DSCAML1: variants seen among roughly 807,000 people sequenced by gnomAD.
DSCAML1 encodes the protein DS cell adhesion molecule like 1.
Under a neutral mutation model 200.5 loss-of-function variants are expected in DSCAML1, and 38 were observed. The ratio of observed to expected loss-of-function variants is 0.19; its 90% CI spans 0.15 to 0.25. The LOEUF is 0.25. Among genes scored for constraint, DSCAML1 ranks in the 10% least tolerant of loss-of-function variants. The pLI is 1.00. For synonymous variants in DSCAML1, 1,215 were observed against 1,165.0 expected (o/e 1.04, Z -0.87); for missense variants, 2,223 against 2,858.8 (o/e 0.78, Z 5.07).
intron 28 of DSCAML1, 41 bp downstream of exon 28, chr11:117,433,398 AGG>A (rs1164256734): frequency 3.1e-6 from 5 of 1,611,204 alleles, no homozygotes; most frequent in Non-Finnish European, 4.2e-6. Context: ...CTCAGGACAG[AGG>A]GGAGAAGGGA....
chr11:117,505,134 T>C lies in DSCAML1; in HGVS notation c.2063-91A>G. 1 of 1,513,074 alleles carries C rather than the reference T, an allele frequency of 6.6e-7. No individual in the cohort carries two copies. The highest frequency in any genetic ancestry group is 1.3e-5 in the South Asian group (1 of 75,896). The allele number at this position is 1,513,074 out of a possible 1,614,324, so 93.7% of individuals were successfully genotyped here. Reference sequence around the variant, plus strand: ...AGCACCTTCTGTTTGAGGTCAGCCCTGCCCGGGCCATTATAAAGTTGGAAG... The same window carrying C: ...AGCACCTTCTGTTTGAGGTCAGCCCCGCCCGGGCCATTATAAAGTTGGAAG... On this transcript the variant is annotated intron_variant, in intron 9 of 32. Coordinates refer to ENST00000651296, the MANE Select transcript of DSCAML1 (RefSeq NM_020693.4). The surrounding 1 kb of genome is among the most constrained non-coding windows in gnomAD (Gnocchi z 6.7).
chr11:117,433,230 G>A lies in DSCAML1; in HGVS notation c.4934C>T (p.Pro1645Leu). 1.9e-6 allele frequency: 3 copies of A among 1,612,914 alleles called. No homozygotes were observed. Among genetic ancestry groups the A allele is most frequent in the Non-Finnish European group, 2.5e-6 (3 of 1,179,456 alleles). Reference sequence around the variant, plus strand: ...TGGGCCCTGGGGTGGCCCTTTCACAGGGGTGTCAAAGCTTCTATTGTTCTT... The same window carrying A: ...TGGGCCCTGGGGTGGCCCTTTCACAAGGGTGTCAAAGCTTCTATTGTTCTT... ...ISKNNRSFDT[P>L]VKGPPQGPRL... is the part of the protein sequence containing the mutation. The change falls in exon 29 of 33, where the codon CCT becomes CTT. Residue 1645 changes from proline (P) to leucine (L), a missense_variant. Around this residue, in one of 7 missense-constraint regions of DSCAML1, gnomAD observed 614 missense variants for 739.1 expected, o/e 0.83. Transcript: ENST00000651296.
intron 3 of DSCAML1, among the ~76,000 whole-genome samples, chr11:117,745,519 C>T (rs73585218): frequency 0.018 from 2,771 of 152,200 alleles, 80 homozygotes; most frequent in African/African-American, 0.062. Flanking sequence ...GGGGTCTTCC[C>T]GGCCCTCCTA....
intron 3 of DSCAML1, among the ~76,000 whole-genome samples, chr11:117,712,784 A>G (rs921302912): frequency 6.6e-6 from 1 of 152,002 alleles, no homozygotes; most frequent in Non-Finnish European, 1.5e-5. Flanking sequence ...CGTTCTCGCC[A>G]GCTCCACACT....
At chr11:117,560,336 G>A (rs1390332528) in intron 3 of DSCAML1, among the ~76,000 whole-genome samples, 1 of 152,136 alleles carries the variant, frequency 6.6e-6, no homozygotes. Context: ...ATGAGTTGAT[G>A]TCTCAAGCTG....
Position 117,576,121 on chromosome 11 carries a change from C to A in DSCAML1, c.512-43599G>T, listed in dbSNP as rs372790844. On this transcript the variant is annotated intron_variant, in intron 3 of 32. Transcript: ENST00000651296. ...TGGGCTCTGAAGAATCCCATCAGCT[C>A]CCTGTGATGGGTGTGTGCTGAGGCT... Among the ~76,000 whole-genome samples, 275 of 152,254 alleles carry A rather than the reference C, an allele frequency of 1.8e-3. 2 individuals carry two copies. The highest frequency in any genetic ancestry group is 6.2e-3 in the African/African-American group (256 of 41,554).
Position 117,612,254 on chromosome 11 carries a change from T to C in DSCAML1, c.512-79732A>G, listed in dbSNP as rs142448241. ...GGGCAGGCAAAGTTGAGAGAGCCTC[T>C]TTCTTCCCCACCGCCTCCCTGTAGC... On this transcript the variant is annotated intron_variant, in intron 3 of 32. Coordinates refer to ENST00000651296, the MANE Select transcript of DSCAML1 (RefSeq NM_020693.4). Among the ~76,000 whole-genome samples the C allele has an allele frequency of 8.7e-3, 1,322 of 152,322 alleles. 11 individuals are homozygous for C. The highest frequency in any genetic ancestry group is 0.014 in the Middle Eastern group (4 of 294).
chr11:117,496,639 C>T (rs2049294209), intron 11 of DSCAML1, among the ~76,000 whole-genome samples: 1 of 152,220 alleles, frequency 6.6e-6, no homozygotes, highest in South Asian at 2.1e-4. Context: ...GGAAACTCTT[C>T]AGTGCTGTGG....
chr11:117,801,566 T>C (rs2055659071), upstream of DSCAML1: 1 of 152,240 alleles, frequency 6.6e-6, no homozygotes, highest in African/African-American at 2.4e-5. Context: ...GTACAATTCA[T>C]AGACTGTGAT....
At chr11:117,737,333 C>T (rs569784219) in intron 3 of DSCAML1, among the ~76,000 whole-genome samples, 8 of 152,350 alleles carry the variant, frequency 5.3e-5, no homozygotes, top group Middle Eastern at 3.4e-3. Flanking sequence ...GGCCAGGTTC[C>T]GCATCTGGTC....
intron 12 of DSCAML1, 31 bp downstream of exon 12, chr11:117,481,932 G>C (rs774215554): frequency 5.6e-6 from 9 of 1,612,328 alleles, no homozygotes; most frequent in African/African-American, 1.3e-5. Flanking sequence ...TGAGAGTTGG[G>C]GTCCCCCAGC....
intron 11 of DSCAML1, among the ~76,000 whole-genome samples, chr11:117,483,591 G>A (rs1445620965): frequency 6.6e-6 from 1 of 152,130 alleles, no homozygotes; most frequent in African/African-American, 2.4e-5. Flanking sequence ...AGTGAAGAGT[G>A]GTGAGTCCTA....
chr11:117,482,137 G>A lies in DSCAML1; in HGVS notation c.2385C>T (p.Pro795=). The A allele has an allele frequency of 6.2e-7, 1 of 1,614,142 alleles. No individual in the cohort carries two copies. Among genetic ancestry groups the A allele is most frequent in the East Asian group, 2.2e-5 (1 of 44,880 alleles). ...GGCCCTTGATGGCGATGGTGGTGTTGGGGTGGGAAGTGATCATGGCCGGGA... is the reference window on the plus strand; with the variant it reads ...GGCCCTTGATGGCGATGGTGGTGTTAGGGTGGGAAGTGATCATGGCCGGGA... The part of the protein sequence containing the change: ...VKIPAMITSH[P]NTTIAIKGHA... Residue 795 remains proline (P), a synonymous_variant, in exon 12 of 33, where the codon CCC becomes CCT. Transcript: ENST00000651296.
At chr11:117,621,126 C>T (rs904740128) in intron 3 of DSCAML1, among the ~76,000 whole-genome samples, 5 of 152,320 alleles carry the variant, frequency 3.3e-5, no homozygotes, top group South Asian at 4.1e-4. Flanking sequence ...ACCTGTGCTC[C>T]ATTCAAAGCC....
chr11:117,654,054 C>G (rs895539168), intron 3 of DSCAML1, among the ~76,000 whole-genome samples: 28 of 152,214 alleles, frequency 1.8e-4, no homozygotes, highest in African/African-American at 6.3e-4. Context: ...TATAGATAAG[C>G]CTTCAAAACA....
chr11:117,719,028 G>A (rs2054003106), intron 3 of DSCAML1, among the ~76,000 whole-genome samples: 1 of 152,178 alleles, frequency 6.6e-6, no homozygotes. Context: ...TGGCCCATGG[G>A]CTATAGTTTG....
intron 3 of DSCAML1, among the ~76,000 whole-genome samples, chr11:117,610,844 C>A (rs922991443): frequency 2.7e-5 from 4 of 147,358 alleles, no homozygotes; most frequent in Non-Finnish European, 4.5e-5. Context: ...AAAACAACCC[C>A]CCCCCCCCAC....
intron 3 of DSCAML1, among the ~76,000 whole-genome samples, chr11:117,760,524 C>T (rs1184209175): frequency 2.6e-5 from 4 of 152,218 alleles, no homozygotes; most frequent in African/African-American, 9.6e-5. Flanking sequence ...TCAATCGACA[C>T]GTCCACACTG....
chr11:117,790,764 T>C (rs934788439), intron 1 of DSCAML1, among the ~76,000 whole-genome samples: 1 of 152,130 alleles, frequency 6.6e-6, no homozygotes, highest in Admixed American at 6.5e-5. Context: ...ATTTTACAGA[T>C]TACGAAATAA....
Sources: gnomAD v4.1 joint callset for allele counts (sites outside exome capture counted in the v4.1 genomes callset) on GRCh38, gnomAD v4.1.1 for gene constraint, gnomAD v4.1.1 regional missense constraint, Gnocchi (gnomAD v3.1) non-coding constraint, MANE v1.5 for transcripts, NCBI Gene and HGNC (gene_info 2026-07-23, HGNC 2026-07-21) for gene names.